ANKS1B: variants seen among roughly 807,000 people sequenced by gnomAD.
The protein encoded by ANKS1B is ankyrin repeat and sterile alpha motif domain-containing protein 1B.
Under a neutral mutation model 148.3 loss-of-function variants are expected in ANKS1B, and 36 were observed. That is an observed-to-expected ratio of 0.24 (90% CI 0.19 to 0.32). The LOEUF is 0.32. ANKS1B is among the 10% of genes least tolerant of loss of function. The pLI, the probability that ANKS1B is intolerant of heterozygous loss-of-function variation, is 1.00. For synonymous variants in ANKS1B, 542 were observed against 560.8 expected, an observed-to-expected ratio of 0.97 and a Z score of 0.47; for missense variants, 1,157 against 1,542.6, an observed-to-expected ratio of 0.75 and a Z score of 4.19.
At chr12:99,199,668 A>T (rs2081823763) in intron 14 of ANKS1B, among the ~76,000 whole-genome samples, 1 of 152,108 alleles carries the variant, frequency 6.6e-6, no homozygotes, top group South Asian at 2.1e-4. Context: ...TCTCCTCCTT[A>T]TAAGGCTCAG....
chr12:99,400,306 T>A (rs2094368638), intron 11 of ANKS1B, among the ~76,000 whole-genome samples: 1 of 146,112 alleles, frequency 6.8e-6, no homozygotes, highest in South Asian at 2.1e-4. Flanking sequence ...AAGTACAAGA[T>A]GCTGGAATTT....
At chr12:99,451,586 T>A (rs750947701) in intron 10 of ANKS1B, among the ~76,000 whole-genome samples, 1 of 152,146 alleles carries the variant, frequency 6.6e-6, no homozygotes, top group Non-Finnish European at 1.5e-5. Flanking sequence ...ATTTGTGGAA[T>A]AAAGAAGAGT....
chr12:99,821,849 C>G lies in ANKS1B; in HGVS notation c.215+3460G>C, dbSNP rs143323621. On this transcript the variant is annotated intron_variant, in intron 2 of 26. Transcript: ENST00000683438. ...TGATTTGTCTTTGTTCCTGGTGACT[C>G]AGGTAAAAAAAGAATAACAACATTC... is the stretch of plus-strand genomic sequence containing the variant. Among the ~76,000 whole-genome samples the G allele has an allele frequency of 3.5e-3, 535 of 152,004 alleles. 2 individuals are homozygous for G. The highest frequency in any genetic ancestry group is 0.012 in the African/African-American group (514 of 41,508).
intron 12 of ANKS1B, among the ~76,000 whole-genome samples, chr12:99,280,297 T>C (rs17029178): frequency 0.014 from 2,174 of 152,268 alleles, 57 homozygotes; most frequent in African/African-American, 0.05. Flanking sequence ...TGCAGCTATA[T>C]GGTTTGGCAG....
At chr12:99,853,018 T>C (rs1315702505) in intron 1 of ANKS1B, among the ~76,000 whole-genome samples, 2 of 152,116 alleles carry the variant, frequency 1.3e-5, no homozygotes, top group East Asian at 1.9e-4. Flanking sequence ...CATAACTCCA[T>C]TGGCCTGGGA....
At chr12:99,902,752 C>CT (rs58515396) in intron 1 of ANKS1B, among the ~76,000 whole-genome samples, 13,439 of 139,644 alleles carry the variant, frequency 0.096, 1,338 homozygotes, top group East Asian at 0.35. Context: ...CTGTTATACA[C>CT]TTTTTTTTTT....
intron 18 of ANKS1B, chr12:98,831,007 GT>G (rs2099309800): frequency 7.4e-6 from 1 of 135,884 alleles, no homozygotes; most frequent in Non-Finnish European, 1.5e-5. Context: ...GAGTGCAGTG[GT>G]GCGATCTCGG....
At chr12:99,550,012 G>A (rs928913011) in intron 9 of ANKS1B, among the ~76,000 whole-genome samples, 1 of 152,236 alleles carries the variant, frequency 6.6e-6, no homozygotes, top group Admixed American at 6.5e-5. Context: ...TCCAGCGCTA[G>A]CTGGTATCCC....
At chr12:99,901,962 T>C (rs2093615294) in intron 1 of ANKS1B, among the ~76,000 whole-genome samples, 1 of 152,210 alleles carries the variant, frequency 6.6e-6, no homozygotes. Context: ...ACACTTATTA[T>C]GATCCATGCT....
chr12:98,857,955 C>A (rs914995671), intron 17 of ANKS1B, among the ~76,000 whole-genome samples: 3 of 152,090 alleles, frequency 2.0e-5, no homozygotes, highest in Admixed American at 6.5e-5. Flanking sequence ...GTAGTCTTAT[C>A]TTTTTGGGTA....
At chr12:99,014,065 C>T (rs769282933) in intron 17 of ANKS1B, among the ~76,000 whole-genome samples, 1 of 151,800 alleles carries the variant, frequency 6.6e-6, no homozygotes, top group Non-Finnish European at 1.5e-5. Context: ...GAATAGCCAA[C>T]ACAATCTTAG....
intron 12 of ANKS1B, among the ~76,000 whole-genome samples, chr12:99,395,133 C>T (rs142225466): frequency 5.9e-5 from 9 of 152,268 alleles, no homozygotes; most frequent in South Asian, 2.1e-4. Context: ...GTGATCTTAG[C>T]TGCTTTCCCT....
chr12:99,448,682 A>T (rs1034453426), intron 10 of ANKS1B, among the ~76,000 whole-genome samples: 2 of 152,124 alleles, frequency 1.3e-5, no homozygotes, highest in Non-Finnish European at 1.5e-5. Context: ...CACAATAAGT[A>T]TATATAATTT....
At chr12:99,744,812 T>G (rs2060433947) in intron 8 of ANKS1B, among the ~76,000 whole-genome samples, 1 of 151,776 alleles carries the variant, frequency 6.6e-6, no homozygotes, top group Non-Finnish European at 1.5e-5. Context: ...ACTAACATGG[T>G]GAAACCCTGT....
intron 10 of ANKS1B, among the ~76,000 whole-genome samples, chr12:99,455,261 A>G (rs1702798463): frequency 6.6e-6 from 1 of 152,150 alleles, no homozygotes; most frequent in African/African-American, 2.4e-5. Context: ...CTGACTCTCT[A>G]TGAAAGGAAG....
Position 99,246,749 on chromosome 12 carries a change from A to G in ANKS1B, c.1872T>C (p.His624=), listed in dbSNP as rs776860722. The change falls in exon 13 of 27, where the codon CAT becomes CAC. Residue 624 remains histidine, a synonymous_variant. Coordinates refer to ENST00000683438, the MANE Select transcript of ANKS1B (RefSeq NM_001352186.2). The part of the protein sequence containing the change: ...PACESPENPF[H]LYGKREQCEK... Reference sequence around the variant, plus strand: ...CACATTGTTCTCTTTTCCCATAGAGATGAAATGGATTTTCAGGGGACTCAC... The same window carrying G: ...CACATTGTTCTCTTTTCCCATAGAGGTGAAATGGATTTTCAGGGGACTCAC... 4.3e-5 allele frequency: 70 copies of G among 1,613,756 alleles called. No individual in the cohort carries two copies. Among genetic ancestry groups the G allele is most frequent in the Non-Finnish European group, 5.7e-5 (67 of 1,179,884 alleles).
chr12:99,753,001 T>C (rs1438093329), intron 8 of ANKS1B, among the ~76,000 whole-genome samples: 3 of 152,104 alleles, frequency 2.0e-5, no homozygotes, highest in Non-Finnish European at 4.4e-5. Flanking sequence ...TTTGAAACAA[T>C]GACTGATTCA....
intron 9 of ANKS1B, among the ~76,000 whole-genome samples, chr12:99,571,973 C>A (rs2097460502): frequency 6.6e-6 from 1 of 152,030 alleles, no homozygotes; most frequent in African/African-American, 2.4e-5. Flanking sequence ...AAAACATATG[C>A]ATGTTGAGCC....
chr12:98,894,030 C>A (rs988919118), intron 17 of ANKS1B, among the ~76,000 whole-genome samples: 1 of 152,214 alleles, frequency 6.6e-6, no homozygotes, highest in African/African-American at 2.4e-5. Context: ...TTCACCGAAG[C>A]AGCAAATCGC....
Sources: allele counts gnomAD v4.1 joint callset (sites outside exome capture counted in the v4.1 genomes callset), GRCh38; gene constraint gnomAD v4.1.1; transcripts MANE v1.5; gene names NCBI Gene and HGNC (gene_info 2026-07-23, HGNC 2026-07-21).